ROBO2: variants seen among roughly 807,000 people sequenced by gnomAD.
The protein encoded by ROBO2 is roundabout guidance receptor 2.
In ROBO2, 53 loss-of-function variants were observed where a neutral mutation model predicts 160.8. The ratio of observed to expected loss-of-function variants is 0.33; its 90% confidence interval spans 0.26 to 0.41. The LOEUF (loss-of-function observed/expected upper bound fraction) is 0.41. Ranked by LOEUF, ROBO2 falls within the 10% of genes least tolerant of loss-of-function variation. The probability of loss-of-function intolerance (pLI) is 1.00; values close to 1 mark genes in which losing one functional copy is unlikely to be tolerated. For missense variants in ROBO2, 1,577 were observed against 1,722.4 expected (o/e 0.92, Z 1.49); for synonymous variants, 664 against 611.7 (o/e 1.09, Z -1.26).
At chr3:76,939,622 A>T (rs1314573711) in intron 2 of ROBO2, among the ~76,000 whole-genome samples, 1 of 152,052 alleles carries the variant, frequency 6.6e-6, no homozygotes, top group Non-Finnish European at 1.5e-5. Context: ...CTATTAAAAG[A>T]ATGTACAAAT....
chr3:76,796,509 AAAGAAGG>A (rs2063711014), intron 2 of ROBO2, among the ~76,000 whole-genome samples: 1 of 123,772 alleles, frequency 8.1e-6, no homozygotes, highest in South Asian at 2.6e-4. Context: ...GGAAAGAAGG[AAAGAAGG>A]AAGGAAGGAA....
At position 76,996,889 on chromosome 3, in the gene ROBO2, C is replaced by A. The variant is rs149776571; in HGVS notation, c.110-101125C>A. Among the ~76,000 whole-genome samples the A allele has an allele frequency of 4.7e-4, 71 of 152,250 alleles. 3 individuals carry two copies. Among genetic ancestry groups the A allele is most frequent in the Non-Finnish European group, 1.3e-4 (9 of 68,012 alleles). ...AAGCATTGCTGACAGTGTCCCCTAT[C>A]ATTATTAACTGATACACAATCTAAT... On this transcript the variant is annotated intron_variant, in intron 2 of 26. Coordinates refer to the ROBO2 transcript ENST00000487694.
rs1252080818 is a variant in ROBO2, at chr3:75,916,344, GATTT to G, written c.-14+9396_-14+9399del. ...AAAATTTATTTCCTTGAAACTCACT[GATTT>G]ATTTATTTATTATTTCGGGGGGATC... On this transcript the variant is annotated intron_variant, in intron 1 of 26. Transcript: ENST00000487694. 1.1e-4 allele frequency among the ~76,000 whole-genome samples: 17 copies of G among 152,080 alleles called. 1 individual carries two copies. The highest frequency in any genetic ancestry group is 5.2e-4 in the Admixed American group (8 of 15,262).
intron 2 of ROBO2, among the ~76,000 whole-genome samples, chr3:77,381,086 CG>C (rs1449141349): frequency 3.9e-5 from 6 of 152,102 alleles, no homozygotes; most frequent in Non-Finnish European, 8.8e-5. Flanking sequence ...GAGGCCTAGG[CG>C]GGGGGATCAC....
At chr3:77,054,644 A>G (rs1297539861) in intron 1 of ROBO2, among the ~76,000 whole-genome samples, 2 of 152,146 alleles carry the variant, frequency 1.3e-5, no homozygotes, top group Admixed American at 6.5e-5. Context: ...TAGTCCTCAG[A>G]TAGAAATCGC....
At chr3:76,230,536 C>T (rs953580751) in intron 2 of ROBO2, among the ~76,000 whole-genome samples, 2 of 152,090 alleles carry the variant, frequency 1.3e-5, no homozygotes, top group African/African-American at 4.8e-5. Context: ...TCCTCTTCTG[C>T]GTTCCTCGGT....
chr3:77,608,025 C>T (rs1298165691), intron 21 of ROBO2, 71 bp downstream of exon 22: 5 of 1,488,876 alleles, frequency 3.4e-6, no homozygotes, highest in Non-Finnish European at 4.7e-6. Flanking sequence ...TTTTTGCCAT[C>T]ATCTTATGTT....
At chr3:76,999,055 C>G (rs780652227) in intron 2 of ROBO2, among the ~76,000 whole-genome samples, 2 of 151,978 alleles carry the variant, frequency 1.3e-5, no homozygotes, top group Non-Finnish European at 2.9e-5. Flanking sequence ...TAGTCCAAAT[C>G]CACAGGTCTT....
exon 26 of ROBO2, chr3:77,647,503 TG>T (rs956037209): frequency 2.6e-5 from 4 of 152,192 alleles, no homozygotes; most frequent in African/African-American, 9.6e-5. Context: ...ACCTTGTAAG[TG>T]GACATTAATA....
At chr3:76,380,439 G>A (rs1201392859) in intron 2 of ROBO2, among the ~76,000 whole-genome samples, 5 of 152,068 alleles carry the variant, frequency 3.3e-5, no homozygotes, top group African/African-American at 4.8e-5. Context: ...CAAACAACCC[G>A]AGTTTGAACT....
chr3:77,296,062 C>T (rs2062063650), intron 2 of ROBO2, among the ~76,000 whole-genome samples: 1 of 150,816 alleles, frequency 6.6e-6, no homozygotes, highest in Non-Finnish European at 1.5e-5. Flanking sequence ...AACGGGTAAG[C>T]TGAGGCTAGA....
chr3:76,204,888 CT>C (rs1702725245), intron 2 of ROBO2, among the ~76,000 whole-genome samples: 2 of 151,920 alleles, frequency 1.3e-5, no homozygotes, highest in Non-Finnish European at 2.9e-5. Flanking sequence ...TTCTGTGGGC[CT>C]TTTTGTAAAA....
At chr3:77,061,099 A>G (rs932398783) in intron 1 of ROBO2, among the ~76,000 whole-genome samples, 2 of 152,078 alleles carry the variant, frequency 1.3e-5, no homozygotes, top group Non-Finnish European at 2.9e-5. Flanking sequence ...TTTCCAGCTC[A>G]TTCTTTTTTA....
At chr3:75,976,067 C>G (rs994594090) in intron 2 of ROBO2, among the ~76,000 whole-genome samples, 1 of 151,534 alleles carries the variant, frequency 6.6e-6, no homozygotes, top group Non-Finnish European at 1.5e-5. Flanking sequence ...TTGGCTTGTG[C>G]CTGTGAGCCT....
chr3:77,012,498 T>C (rs1015293762), intron 2 of ROBO2, among the ~76,000 whole-genome samples: 5 of 152,226 alleles, frequency 3.3e-5, no homozygotes, highest in Non-Finnish European at 7.3e-5. Flanking sequence ...GGAAATAGTA[T>C]GTATGCTTTG....
intron 2 of ROBO2, among the ~76,000 whole-genome samples, chr3:77,366,998 G>T (rs1349020704): frequency 1.3e-5 from 2 of 151,634 alleles, no homozygotes; most frequent in Non-Finnish European, 2.9e-5. Flanking sequence ...CAGGAAATTT[G>T]AAGAGGATAA....
At chr3:76,364,735 G>C (rs1218863741) in intron 2 of ROBO2, among the ~76,000 whole-genome samples, 1 of 152,022 alleles carries the variant, frequency 6.6e-6, no homozygotes, top group Non-Finnish European at 1.5e-5. Flanking sequence ...ACTATTCTGA[G>C]ACCTGCACAG....
At chr3:76,442,418 A>C (rs2076967807) in intron 2 of ROBO2, among the ~76,000 whole-genome samples, 1 of 152,190 alleles carries the variant, frequency 6.6e-6, no homozygotes. Context: ...AGAGCAGAGC[A>C]TAAAACTACC....
chr3:76,634,925 T>A (rs563787025), intron 2 of ROBO2, among the ~76,000 whole-genome samples: 1 of 152,138 alleles, frequency 6.6e-6, no homozygotes, highest in Non-Finnish European at 1.5e-5. Context: ...GTGAACCCTA[T>A]TGTGAATTGC....
Sources: allele counts gnomAD v4.1 joint callset (sites outside exome capture counted in the v4.1 genomes callset), GRCh38; gene constraint gnomAD v4.1.1; transcripts MANE v1.5; gene names NCBI Gene and HGNC (gene_info 2026-07-23, HGNC 2026-07-21).